The following AKT1S1 variants were observed in gnomAD, a reference collection of about 807,000 sequenced individuals.
The protein encoded by AKT1S1 is AKT1 substrate 1.
AKT1S1 carries 17 observed loss-of-function variants against 21.2 expected under a neutral mutation model. That is an observed-to-expected ratio of 0.80 (90% CI 0.55 to 1.20). The LOEUF is 1.20. Ranked by LOEUF, AKT1S1 falls within the 50% of genes most tolerant of loss-of-function variation. The pLI, the probability that AKT1S1 is intolerant of heterozygous loss-of-function variation, is 0.00. For synonymous variants in AKT1S1, 181 were observed against 165.6 expected, an observed-to-expected ratio of 1.09 and a Z score of -0.72; for missense variants, 366 against 368.3, an observed-to-expected ratio of 0.99 and a Z score of 0.05.
chr19:49,871,748 C>T (rs773500109), intron 3 of AKT1S1, 32 bp from the exon 4 acceptor site: 28 of 1,611,174 alleles, frequency 1.7e-5, no homozygotes, highest in Non-Finnish European at 2.1e-5. Flanking sequence ...AGCTTCTGTC[C>T]CTGCCTTTGT....
intron 2 of AKT1S1, among the ~76,000 whole-genome samples, chr19:49,872,465 T>C (rs1820100406): frequency 6.6e-6 from 1 of 151,926 alleles, no homozygotes; most frequent in South Asian, 2.1e-4. Flanking sequence ...GACCCCCAAA[T>C]TCCCCCCAAA....
At position 49,872,849 on chromosome 19, in the gene AKT1S1, C is replaced by G. The variant is rs1426073840; in HGVS notation, c.379+68G>C. 3.3e-6 allele frequency: 5 copies of G among 1,517,916 alleles called. No individual in the cohort carries two copies. The East Asian group carries it at 9.6e-5, about 29-fold the overall frequency. 94.0% of individuals were successfully genotyped at this position (1,517,916 alleles called of 1,614,324 possible). On this transcript the variant is annotated intron_variant, in intron 2 of 4. Coordinates refer to ENST00000344175, the MANE Select transcript of AKT1S1 (RefSeq NM_001098633.4). ...GTACTCTGGGCTAAGCAGGCCCCCA[C>G]CCCGACAAAGCCTCCTGCGGGCACC...
chr19:49,875,892 G>A (rs903346618), intron 1 of AKT1S1: 32 of 985,342 alleles, frequency 3.2e-5, no homozygotes, highest in Non-Finnish European at 3.9e-5. Flanking sequence ...TTCTAGAGGA[G>A]GTCCTGTTTC....
At chr19:49,877,646 G>A (rs1419777520), upstream of AKT1S1, 6 of 1,520,926 alleles carry the variant, frequency 3.9e-6, no homozygotes, top group Non-Finnish European at 5.4e-6. Context: ...GCCCGGAGGG[G>A]AACTGTTTTC....
At chr19:49,877,798 A>G (rs868690570), upstream of AKT1S1, 50 of 1,552,596 alleles carry the variant, frequency 3.2e-5, no homozygotes, top group Middle Eastern at 1.3e-3. Context: ...CGCCCCGTCT[A>G]GTGATCAGCT....
At chr19:49,876,612 G>A (rs2074948070) in intron 1 of AKT1S1, 2 of 1,531,408 alleles carry the variant, frequency 1.3e-6, no homozygotes, top group Non-Finnish European at 1.8e-6. Context: ...CGTGCCCGTA[G>A]CCAGCATGGC....
rs1002677734 is a variant in AKT1S1 at position 49,873,605 on chromosome 19, G to A, written c.-7-303C>T. On this transcript the variant is annotated intron_variant, in intron 1 of 4. Coordinates refer to ENST00000344175, the MANE Select transcript of AKT1S1 (RefSeq NM_001098633.4). The surrounding 1 kb of genome is among the most constrained non-coding windows in gnomAD (Gnocchi z 6.9). ...GAGCCGCCAGCCACATGTGAACAGG[G>A]AGTACTGGAAAGGCAGGGAGTCCTA... The A allele has an allele frequency of 7.6e-6, 3 of 394,046 alleles. No individual in the cohort carries two copies. 24.4% of individuals were successfully genotyped at this position (394,046 alleles called of 1,614,324 possible).
chr19:49,871,569 G>T lies in AKT1S1; in HGVS notation c.605C>A (p.Ser202Ter). 3.7e-6 allele frequency: 6 copies of T among 1,613,952 alleles called. No individual in the cohort carries two copies. Among genetic ancestry groups the T allele is most frequent in the Non-Finnish European group, 5.1e-6 (6 of 1,179,998 alleles). Reference sequence around the variant, plus strand: ...CACCGGCCCATTCTCCTCATCTGATGACCGCGCCTCTGTCCTCTTCTCCTT... The same window carrying T: ...CACCGGCCCATTCTCCTCATCTGATTACCGCGCCTCTGTCCTCTTCTCCTT... ...GFKEKRTEAR[S>*]SDEENGPPSS... The change falls in exon 4 of 5, where the codon TCA (serine) becomes TAA (stop). Residue 202 changes from serine (S) to a stop codon, truncating the protein, a stop_gained. Transcript: ENST00000344175. LOFTEE classifies it high-confidence loss of function.
chr19:49,871,947 G>GTCC (rs1280822467), intron 2 of AKT1S1, 58 bp from the exon 3 acceptor site: 1 of 1,559,806 alleles, frequency 6.4e-7, no homozygotes, highest in Non-Finnish European at 8.8e-7. Context: ...TGCTCCATGT[G>GTCC]TCCTCCTCCT....
chr19:49,873,310 C>A lies in AKT1S1; in HGVS notation c.-7-8G>T. On this transcript the variant is annotated splice_region_variant and splice_polypyrimidine_tract_variant and intron_variant, in intron 1 of 4. Coordinates refer to ENST00000344175, the MANE Select transcript of AKT1S1 (RefSeq NM_001098633.4). This position sits in a 1 kb window ranked among gnomAD's most constrained non-coding sequence, Gnocchi z 6.9. The stretch of plus-strand genomic sequence containing the variant: ...CCCGACGCCATCCGCGCCCTGCGGG[C>A]CAGAGCAGGACAGAGGGGGCTGAGG... The A allele has an allele frequency of 1.4e-6, 2 of 1,474,452 alleles. No homozygotes were observed. The highest frequency in any genetic ancestry group is 2.6e-5 in the South Asian group (2 of 75,556). The allele number at this position is 1,474,452 out of a possible 1,614,324, so 91.3% of individuals were successfully genotyped here.
intron 1 of AKT1S1, chr19:49,875,847 T>C (rs2074934526): frequency 1.0e-6 from 1 of 985,026 alleles, no homozygotes; most frequent in Non-Finnish European, 1.2e-6. Context: ...AACAGGAGAG[T>C]AGCCAAGACC....
chr19:49,870,053 G>T lies in AKT1S1; in HGVS notation c.635C>A (p.Ser212Ter). 1 of 1,539,676 alleles carries T rather than the reference G, an allele frequency of 6.5e-7. No individual in the cohort carries two copies. Among genetic ancestry groups the T allele is most frequent in the South Asian group, 1.2e-5 (1 of 83,452 alleles). Residue 212 changes from serine (S) to a stop codon, truncating the protein, a stop_gained, in exon 5 of 5, where the codon TCG becomes TAG. Transcript: ENST00000344175. LOFTEE classifies it high-confidence loss of function. ...CGCCGCGATGCGGTCCAGGTCGGGC[G>T]AAGAGGGCTGCGGGGACGGCGACGG... ...SSDEENGPPSSPDLDRIAASM... is the reference protein window; with the variant it reads ...SSDEENGPPS
upstream of AKT1S1, chr19:49,877,691 G>C: frequency 6.3e-7 from 1 of 1,597,128 alleles, no homozygotes; most frequent in Non-Finnish European, 8.5e-7. Flanking sequence ...AGGAAAAGGA[G>C]GAGGCGGGGC....
chr19:49,872,880 C>G (rs778142135), intron 2 of AKT1S1, 37 bp downstream of exon 2: 2 of 1,572,664 alleles, frequency 1.3e-6, no homozygotes, highest in Non-Finnish European at 1.7e-6. Context: ...GCACCTCAAG[C>G]GCTGGGCCGC....
rs990097820 is a variant in AKT1S1, at chr19:49,871,590, T to C, written c.584A>G (p.Glu195Gly). 4 of 1,613,850 alleles carry C rather than the reference T, an allele frequency of 2.5e-6. No individual in the cohort carries two copies. Among genetic ancestry groups the C allele is most frequent in the Admixed American group, 1.7e-5 (1 of 59,990 alleles). The part of the protein sequence containing the change: ...PVSVPVWGFK[E>G]KRTEARSSDE... ...TGATGACCGCGCCTCTGTCCTCTTC[T>C]CCTTGAAGCCCCAGACGGGCACAGA... Residue 195 changes from glutamate to glycine, a missense_variant, in exon 4 of 5, where the codon GAG becomes GGG. Glu to Gly is a moderately conservative substitution (Grantham distance 98). Coordinates refer to ENST00000344175, the MANE Select transcript of AKT1S1 (RefSeq NM_001098633.4).
chr19:49,871,844 G>C lies in AKT1S1; in HGVS notation c.425C>G (p.Pro142Arg), dbSNP rs200662721. ...ACTCTCGGGGTCTGACTCACAGAAG[G>C]GGGGAAGGTCCTGGAGGGTGGCGTC... ...DEDATLQDLP[P>R]FCESDPESTD... The change falls in exon 3 of 5, where the codon CCC (proline) becomes CGC (arginine). Residue 142 changes from proline to arginine, a missense_variant. Physicochemically the swap from Pro to Arg is moderately radical, Grantham distance 103. Coordinates refer to ENST00000344175, the MANE Select transcript of AKT1S1 (RefSeq NM_001098633.4). 1.7e-5 allele frequency: 28 copies of C among 1,611,630 alleles called. No homozygotes were observed. In the East Asian group the frequency reaches 4.2e-4, roughly 24 times the overall value.
At chr19:49,876,970 C>T (rs2074955460) in intron 1 of AKT1S1, 1 of 346,214 alleles carries the variant, frequency 2.9e-6, no homozygotes. Context: ...AACAACATGG[C>T]AGCCAACCGG....
intron 1 of AKT1S1, 95 bp downstream of exon 1, chr19:49,877,142 T>A (rs1345692989): frequency 6.2e-6 from 1 of 162,448 alleles, no homozygotes; most frequent in Non-Finnish European, 1.3e-5. Context: ...GACTCAGAAA[T>A]TCGTCCGGGG....
Position 49,870,016 on chromosome 19 carries a change from C to T in AKT1S1, c.672G>A (p.Ala224=). ...TGTCCTCGGCCTCTCGCAGCACCAGCGCGCGCATGCTCGCCGCGATGCGGT... is the reference window on the plus strand; with the variant it reads ...TGTCCTCGGCCTCTCGCAGCACCAGTGCGCGCATGCTCGCCGCGATGCGGT... ...DLDRIAASMR[A]LVLREAEDTQ... Residue 224 remains alanine (A), a synonymous_variant, in exon 5 of 5, where the codon GCG becomes GCA. Transcript: ENST00000344175. The T allele has an allele frequency of 1.9e-6, 3 of 1,549,542 alleles. No homozygotes were observed. Among genetic ancestry groups the T allele is most frequent in the East Asian group, 2.5e-5 (1 of 39,924 alleles).
Sources: allele counts gnomAD v4.1 joint callset (sites outside exome capture counted in the v4.1 genomes callset), GRCh38; gene constraint gnomAD v4.1.1; non-coding constraint Gnocchi (gnomAD v3.1); transcripts MANE v1.5; gene names NCBI Gene and HGNC (gene_info 2026-07-23, HGNC 2026-07-21).